Variants in UGCG observed in about 807,000 individuals in gnomAD.
UGCG encodes ceramide glucosyltransferase.
In UGCG, 10 loss-of-function variants were observed where a neutral mutation model predicts 49.5. The ratio of observed to expected loss-of-function variants is 0.20; its 90% CI spans 0.12 to 0.34. The LOEUF is 0.34. UGCG is among the 10% of genes least tolerant of loss of function. The probability of loss-of-function intolerance (pLI) is 1.00; values close to 1 mark genes in which losing one functional copy is unlikely to be tolerated. For missense variants in UGCG, 312 were observed against 483.7 expected (o/e 0.65, Z 3.33); for synonymous variants, 182 against 158.2 (o/e 1.15, Z -1.13).
chr9:111,906,417 G>C (rs111631937), intron 1 of UGCG, among the ~76,000 whole-genome samples: 16 of 151,096 alleles, frequency 1.1e-4, no homozygotes, highest in African/African-American at 3.9e-4. Context: ...TGTTTCTTTT[G>C]TGTGTGTGTT....
chr9:111,911,916 A>G (rs1589521111), intron 1 of UGCG, among the ~76,000 whole-genome samples: 2 of 8,362 alleles, frequency 2.4e-4, no homozygotes, highest in Non-Finnish European at 4.6e-4. Flanking sequence ...ATATATATAT[A>G]TATATATATA....
intron 5 of UGCG, among the ~76,000 whole-genome samples, chr9:111,927,777 A>G (rs1466328135): frequency 6.6e-6 from 1 of 152,158 alleles, no homozygotes; most frequent in Non-Finnish European, 1.5e-5. Context: ...AAAAATAAAC[A>G]TTGTATCATT....
At chr9:111,931,191 A>C in intron 6 of UGCG, 80 bp from the exon 7 acceptor site, 1 of 1,389,872 alleles carries the variant, frequency 7.2e-7, no homozygotes, top group Non-Finnish European at 1.0e-6. Flanking sequence ...TGGTCTTTAT[A>C]ATGATTACTG....
At chr9:111,913,929 C>T (rs1231807766) in intron 1 of UGCG, among the ~76,000 whole-genome samples, 1 of 152,006 alleles carries the variant, frequency 6.6e-6, no homozygotes, top group Non-Finnish European at 1.5e-5. Flanking sequence ...TCTGTTCTAC[C>T]CCTGCCATTC....
At position 111,929,655 on chromosome 9, in the gene UGCG, T is replaced by C. The variant is rs779602370; in HGVS notation, c.714T>C (p.Phe238=). Residue 238 remains phenylalanine (F), a synonymous_variant, in exon 6 of 9, where the codon TTT becomes TTC. Coordinates refer to ENST00000374279, the MANE Select transcript of UGCG (RefSeq NM_003358.3). ...CTCAGTACATTGCCGAAGATTACTT[T>C]ATGGCCAAAGCGATAGCTGACCGGT... ...AFAQYIAEDY[F]MAKAIADRGW... 1.4e-5 allele frequency: 23 copies of C among 1,613,730 alleles called. 1 individual carries two copies. In the South Asian group the frequency reaches 2.1e-4, roughly 15 times the overall value.
chr9:111,930,498 C>T (rs1465904251), intron 6 of UGCG, among the ~76,000 whole-genome samples: 9 of 146,604 alleles, frequency 6.1e-5, no homozygotes, highest in East Asian at 2.0e-4. Flanking sequence ...GAGACAGTCT[C>T]GCCCTGACAT....
intron 3 of UGCG, among the ~76,000 whole-genome samples, chr9:111,923,837 G>A (rs945121205): frequency 4.6e-5 from 7 of 152,082 alleles, no homozygotes; most frequent in East Asian, 1.9e-4. Context: ...GTTTCACCAC[G>A]TCAGGCTGGT....
rs968852749 is a variant in UGCG, at chr9:111,919,801, A to G, written c.241-3048A>G. 6.6e-5 allele frequency among the ~76,000 whole-genome samples: 10 copies of G among 151,918 alleles called. No homozygotes were observed. In the South Asian group the frequency reaches 1.5e-3, roughly 22 times the overall value. On this transcript the variant is annotated intron_variant, in intron 2 of 8. Coordinates refer to ENST00000374279, the MANE Select transcript of UGCG (RefSeq NM_003358.3). Reference sequence around the variant, plus strand: ...CAGAGCGAGACTCCATCTCAAAAAAAAAAAAAAAAAAGAAACTATGCTATG... The same window carrying G: ...CAGAGCGAGACTCCATCTCAAAAAAGAAAAAAAAAAAGAAACTATGCTATG...
At chr9:111,923,867 G>A (rs1372902205) in intron 3 of UGCG, among the ~76,000 whole-genome samples, 1 of 152,168 alleles carries the variant, frequency 6.6e-6, no homozygotes, top group African/African-American at 2.4e-5. Context: ...CTGACCTCAG[G>A]TGATCCACCT....
intron 2 of UGCG, among the ~76,000 whole-genome samples, chr9:111,917,961 T>C (rs1393728463): frequency 6.6e-6 from 1 of 152,204 alleles, no homozygotes; most frequent in Non-Finnish European, 1.5e-5. Flanking sequence ...ATGTGAAGAA[T>C]ACCTAAATCA....
chr9:111,923,107 A>G (rs950044418), intron 3 of UGCG, among the ~76,000 whole-genome samples, 156 bp downstream of exon 3: 1 of 152,152 alleles, frequency 6.6e-6, no homozygotes, highest in African/African-American at 2.4e-5. Context: ...GAAAAGTTAT[A>G]AAAACAAAGG....
At chr9:111,916,621 T>C (rs1394524304) in intron 2 of UGCG, among the ~76,000 whole-genome samples, 2 of 151,938 alleles carry the variant, frequency 1.3e-5, no homozygotes, top group Non-Finnish European at 2.9e-5. Flanking sequence ...GGGCATGTGC[T>C]ACCACACCTG....
intron 2 of UGCG, chr9:111,915,780 C>T: frequency 2.0e-6 from 2 of 984,768 alleles, no homozygotes; most frequent in Non-Finnish European, 2.4e-6. Flanking sequence ...CTCGGTAGCA[C>T]CAATGAAAAG....
At chr9:111,898,714 G>T (rs187233829) in intron 1 of UGCG, among the ~76,000 whole-genome samples, 2 of 152,196 alleles carry the variant, frequency 1.3e-5, no homozygotes, top group East Asian at 3.9e-4. Context: ...GCAATAGAGA[G>T]AGATGGAGAA....
intron 7 of UGCG, 190 bp from the exon 8 acceptor site, chr9:111,931,980 A>G: frequency 3.3e-6 from 2 of 608,772 alleles, no homozygotes; most frequent in East Asian, 2.8e-5. Flanking sequence ...AGTGAGTGCC[A>G]CTGCACTCCA....
At chr9:111,928,556 C>T (rs1309617983) in intron 5 of UGCG, among the ~76,000 whole-genome samples, 1 of 152,190 alleles carries the variant, frequency 6.6e-6, no homozygotes, top group Admixed American at 6.5e-5. Context: ...ACCTCAATAA[C>T]TACTAAGGAA....
At chr9:111,920,391 C>T (rs889066288) in intron 2 of UGCG, among the ~76,000 whole-genome samples, 3 of 152,120 alleles carry the variant, frequency 2.0e-5, no homozygotes, top group Non-Finnish European at 4.4e-5. Flanking sequence ...GACGGAGTTT[C>T]ACTCTTGTTG....
At chr9:111,919,466 G>C (rs1367694491) in intron 2 of UGCG, among the ~76,000 whole-genome samples, 1 of 151,642 alleles carries the variant, frequency 6.6e-6, no homozygotes, top group Non-Finnish European at 1.5e-5. Context: ...CTGGGTGACA[G>C]TGAAAGACCC....
At position 111,924,748 on chromosome 9, in the gene UGCG, CTT is replaced by C. The variant is rs762928967; in HGVS notation, c.344-26_344-25del. On this transcript the variant is annotated intron_variant, in intron 3 of 8. Transcript: ENST00000374279. ...AAAATATTTTTAATGTTGCATAAAT[CTT>C]TTACTACTGTACCTTTACATTTTTA... 21 of 1,244,372 alleles carry C rather than the reference CTT, an allele frequency of 1.7e-5. No homozygotes were observed. In the African/African-American group the frequency reaches 3.3e-4, roughly 19 times the overall value. 77.1% of individuals were successfully genotyped at this position (1,244,372 alleles called of 1,614,324 possible). A position where few individuals can be genotyped will look rare whatever the true frequency, so the allele number is the denominator to read the frequency against.
Sources: gnomAD v4.1 joint callset for allele counts (sites outside exome capture counted in the v4.1 genomes callset) on GRCh38, gnomAD v4.1.1 for gene constraint, MANE v1.5 for transcripts, NCBI Gene and HGNC (gene_info 2026-07-23, HGNC 2026-07-21) for gene names.